Variants in ACOT12 observed in about 807,000 individuals in gnomAD.
The protein encoded by ACOT12 is acyl-CoA thioesterase 12.
ACOT12 carries 51 observed loss-of-function variants against 67.7 expected under a neutral mutation model. That is an observed-to-expected ratio of 0.75 (90% CI 0.60 to 0.95). ACOT12 has a LOEUF of 0.95. Among genes scored for constraint, ACOT12 ranks in the 40% least tolerant of loss-of-function variants. The pLI, the probability that ACOT12 is intolerant of heterozygous loss-of-function variation, is 0.00. For synonymous variants in ACOT12, 251 were observed against 244.6 expected (o/e 1.03, Z -0.24); for missense variants, 734 against 708.1 (o/e 1.04, Z -0.41).
the ACOT12 span, among the ~76,000 whole-genome samples, chr5:81,319,196 A>G: frequency 1.3e-5 from 2 of 152,312 alleles, no homozygotes; most frequent in South Asian, 4.2e-4. Context: ...AATTTTTGCT[A>G]AAGTTTTTGT....
the ACOT12 span, chr5:81,311,073 A>G: frequency 1.0e-5 from 8 of 800,052 alleles, no homozygotes; most frequent in Admixed American, 6.1e-5. Context: ...GAATAGTGGC[A>G]CCTCCCTATG....
chr5:81,389,261 G>C (rs1760805003), intron 1 of ACOT12, among the ~76,000 whole-genome samples: 1 of 152,152 alleles, frequency 6.6e-6, no homozygotes, highest in Non-Finnish European at 1.5e-5. Flanking sequence ...GTAGGAGGGA[G>C]AGTGGGTGAG....
chr5:81,340,575 T>C (rs539969063), intron 11 of ACOT12, among the ~76,000 whole-genome samples: 1 of 152,274 alleles, frequency 6.6e-6, no homozygotes, highest in Non-Finnish European at 1.5e-5. Flanking sequence ...TTGGCCAGGC[T>C]GGTCTTGAAC....
intron 3 of ACOT12, among the ~76,000 whole-genome samples, chr5:81,368,550 G>A (rs964804165): frequency 3.3e-5 from 5 of 151,856 alleles, no homozygotes; most frequent in African/African-American, 1.2e-4. Flanking sequence ...GATGTATCTG[G>A]AAAAATCATC....
chr5:81,380,847 G>A (rs1760562020), intron 2 of ACOT12, among the ~76,000 whole-genome samples: 1 of 152,044 alleles, frequency 6.6e-6, no homozygotes, highest in Non-Finnish European at 1.5e-5. Flanking sequence ...AGGTGATTTT[G>A]TTGTTGTGGA....
intron 1 of ACOT12, among the ~76,000 whole-genome samples, chr5:81,393,653 G>A (rs556087282): frequency 2.1e-4 from 32 of 152,202 alleles, no homozygotes; most frequent in African/African-American, 7.2e-4. Flanking sequence ...GGAGGTCGAG[G>A]CTGCAGCGAC....
intron 3 of ACOT12, among the ~76,000 whole-genome samples, chr5:81,364,839 A>T (rs1392897767): frequency 7.0e-6 from 1 of 143,360 alleles, no homozygotes; most frequent in Non-Finnish European, 1.5e-5. Flanking sequence ...ACCACCAGAG[A>T]GATGTACCAT....
Position 81,335,902 on chromosome 5 carries a change from C to T in ACOT12, c.1129-1G>A. ...GCTCTTCCAGAGTATATATTTTTATCTAAAAGACAACAAAAAAATTAAATT... is the reference window on the plus strand; with the variant it reads ...GCTCTTCCAGAGTATATATTTTTATTTAAAAGACAACAAAAAAATTAAATT... On this transcript the variant is annotated splice_acceptor_variant, in intron 11 of 14. Transcript: ENST00000307624. LOFTEE classifies it high-confidence loss of function. 2 of 1,592,036 alleles carry T rather than the reference C, an allele frequency of 1.3e-6. No homozygotes were observed. Among genetic ancestry groups the T allele is most frequent in the Admixed American group, 1.9e-5 (1 of 53,750 alleles).
intron 11 of ACOT12, among the ~76,000 whole-genome samples, chr5:81,340,350 G>T (rs924597969): frequency 1.1e-4 from 17 of 149,236 alleles, no homozygotes; most frequent in African/African-American, 4.0e-4. Context: ...AAGTATGATT[G>T]TTTGTTGTTT....
At chr5:81,314,096 TTGTG>T in the ACOT12 span, among the ~76,000 whole-genome samples, 1 of 151,792 alleles carries the variant, frequency 6.6e-6, no homozygotes, top group East Asian at 1.9e-4. Flanking sequence ...GGATTACTTT[TTGTG>T]TGTGTGTGTG....
chr5:81,344,267 T>C (rs375049041), intron 8 of ACOT12, 52 bp from the exon 9 acceptor site: 220 of 1,535,414 alleles, frequency 1.4e-4, no homozygotes, highest in Non-Finnish European at 1.8e-4. Context: ...ATATCTACTA[T>C]CTTAGTGCTA....
chr5:81,365,099 G>A (rs1372243447), intron 3 of ACOT12, among the ~76,000 whole-genome samples: 2 of 152,182 alleles, frequency 1.3e-5, no homozygotes, highest in Non-Finnish European at 2.9e-5. Flanking sequence ...ATTGCACTTC[G>A]CAGAAGTGTT....
At chr5:81,375,136 G>A (rs925967534) in intron 2 of ACOT12, among the ~76,000 whole-genome samples, 20 of 152,294 alleles carry the variant, frequency 1.3e-4, no homozygotes, top group African/African-American at 4.8e-4. Context: ...GACTAACAGC[G>A]GATCTCTCTG....
chr5:81,344,923 T>C lies in ACOT12; in HGVS notation c.892A>G (p.Ile298Val), dbSNP rs745767657. The change falls in exon 8 of 15, where the codon ATC (isoleucine) becomes GTC (valine). Residue 298 changes from isoleucine (I) to valine (V), a missense_variant. Transcript: ENST00000307624. ...ATGGGTTGGATTCTGGGAAACGTGA[T>C]GAGATTTTCCTTATCATCAGCAGCA... is the stretch of plus-strand genomic sequence containing the variant. ...YNAADDKENL[I>V]TFPRIQPISK... 7.4e-6 allele frequency: 12 copies of C among 1,614,158 alleles called. No individual in the cohort carries two copies. Among genetic ancestry groups the C allele is most frequent in the Non-Finnish European group, 1.0e-5 (12 of 1,180,012 alleles).
intron 5 of ACOT12, among the ~76,000 whole-genome samples, chr5:81,352,156 G>A (rs1474197661): frequency 1.3e-5 from 2 of 152,162 alleles, no homozygotes; most frequent in Non-Finnish European, 2.9e-5. Context: ...CACTGTTGGT[G>A]GGAATGTAAA....
intron 1 of ACOT12, among the ~76,000 whole-genome samples, chr5:81,387,227 G>A (rs948672250): frequency 5.3e-5 from 8 of 151,678 alleles, no homozygotes; most frequent in Non-Finnish European, 5.9e-5. Flanking sequence ...GGATGGTCTC[G>A]ATCTCCTGAC....
Position 81,347,931 on chromosome 5 carries a change from C to G in ACOT12, c.497-1G>C. 6.2e-7 allele frequency: 1 copy of G among 1,612,792 alleles called. No individual in the cohort carries two copies. The highest frequency in any genetic ancestry group is 8.5e-7 in the Non-Finnish European group (1 of 1,179,416). Reference sequence around the variant, plus strand: ...CCTTCCTCTTCATCAAAAATGAGATCTGAAAGGTGGATGTAAACATTAATG... The same window carrying G: ...CCTTCCTCTTCATCAAAAATGAGATGTGAAAGGTGGATGTAAACATTAATG... On this transcript the variant is annotated splice_acceptor_variant, in intron 5 of 14. Coordinates refer to ENST00000307624, the MANE Select transcript of ACOT12 (RefSeq NM_130767.3). LOFTEE classifies it high-confidence loss of function.
chr5:81,359,941 G>A lies in ACOT12; in HGVS notation c.458C>T (p.Thr153Ile). 1 of 1,611,386 alleles carries A rather than the reference G, an allele frequency of 6.2e-7. No homozygotes were observed. Among genetic ancestry groups the A allele is most frequent in the Non-Finnish European group, 8.5e-7 (1 of 1,179,338 alleles). Residue 153 changes from threonine to isoleucine, a missense_variant, in exon 5 of 15, where the codon ACC becomes ATC. Physicochemically the swap from Thr to Ile is moderately conservative, Grantham distance 89 (BLOSUM62 -1). Transcript: ENST00000307624. Reference protein sequence around the residue: ...RRKVRLQHEDTFNNLMKESSK... With the variant: ...RRKVRLQHEDIFNNLMKESSK... ...ACTTTCCTTCATTAAATTGTTAAAGGTATCTTCATGTTGTAATCGAACTTT... is the reference window on the plus strand; with the variant it reads ...ACTTTCCTTCATTAAATTGTTAAAGATATCTTCATGTTGTAATCGAACTTT...
intron 5 of ACOT12, among the ~76,000 whole-genome samples, chr5:81,355,672 A>C (rs1430644804): frequency 6.6e-6 from 1 of 152,204 alleles, no homozygotes; most frequent in Non-Finnish European, 1.5e-5. Flanking sequence ...GCCAATGCAT[A>C]GGGCCAGCTC....
Sources: gnomAD v4.1 joint callset for allele counts (sites outside exome capture counted in the v4.1 genomes callset) on GRCh38, gnomAD v4.1.1 for gene constraint, MANE v1.5 for transcripts, NCBI Gene and HGNC (gene_info 2026-07-23, HGNC 2026-07-21) for gene names.